The following CTNND2 variants were observed in gnomAD, a reference collection of about 807,000 sequenced individuals.
CTNND2 encodes catenin delta 2.
Under a neutral mutation model 144.4 loss-of-function variants are expected in CTNND2, and 22 were observed. The observed-to-expected ratio is 0.15, with a 90% confidence interval of 0.11 to 0.22. The LOEUF (loss-of-function observed/expected upper bound fraction) is 0.22. Ranked by LOEUF, CTNND2 falls within the 10% of genes least tolerant of loss-of-function variation. The probability of loss-of-function intolerance (pLI) is 1.00; values close to 1 mark genes in which losing one functional copy is unlikely to be tolerated. For missense variants in CTNND2, 1,353 were observed against 1,618.8 expected (o/e 0.84, Z 2.82); for synonymous variants, 751 against 695.6 (o/e 1.08, Z -1.25).
chr5:11,469,730 T>G (rs1285346045), intron 3 of CTNND2, among the ~76,000 whole-genome samples: 1 of 152,232 alleles, frequency 6.6e-6, no homozygotes, highest in African/African-American at 2.4e-5. Context: ...ATTTTAAATA[T>G]TCAAGTATTT....
chr5:11,016,137 C>T (rs1431771099), intron 18 of CTNND2, among the ~76,000 whole-genome samples: 2 of 152,136 alleles, frequency 1.3e-5, no homozygotes, highest in African/African-American at 4.8e-5. Flanking sequence ...GGAGGGCTGA[C>T]TAATTTCCAT....
At chr5:11,461,455 G>A (rs1766211764) in intron 3 of CTNND2, among the ~76,000 whole-genome samples, 1 of 152,118 alleles carries the variant, frequency 6.6e-6, no homozygotes, top group African/African-American at 2.4e-5. Flanking sequence ...GAAATTGCTT[G>A]TGAACTTCTT....
At chr5:11,048,332 A>T (rs574226158) in intron 16 of CTNND2, among the ~76,000 whole-genome samples, 1 of 152,328 alleles carries the variant, frequency 6.6e-6, no homozygotes, top group South Asian at 2.1e-4. Context: ...TCCCTGAGTG[A>T]GGGTAGCTGC....
intron 2 of CTNND2, among the ~76,000 whole-genome samples, chr5:11,636,923 T>C (rs1463648250): frequency 6.6e-6 from 1 of 152,130 alleles, no homozygotes; most frequent in East Asian, 1.9e-4. Flanking sequence ...AATTTATTTC[T>C]CTGAGTTCCA....
chr5:11,341,334 T>C (rs945078742), intron 9 of CTNND2, among the ~76,000 whole-genome samples: 2 of 152,042 alleles, frequency 1.3e-5, no homozygotes, highest in Non-Finnish European at 2.9e-5. Context: ...CAAAGAAAAA[T>C]AAAATGGTTC....
At chr5:11,739,636 C>A (rs1200010882) in intron 1 of CTNND2, among the ~76,000 whole-genome samples, 6 of 152,124 alleles carry the variant, frequency 3.9e-5, no homozygotes, top group Non-Finnish European at 8.8e-5. Context: ...AAAACCAGTA[C>A]AAGACAAGGA....
At chr5:11,055,054 C>T (rs1388506345) in intron 16 of CTNND2, among the ~76,000 whole-genome samples, 1 of 152,128 alleles carries the variant, frequency 6.6e-6, no homozygotes, top group Admixed American at 6.6e-5. Flanking sequence ...GGAATGCTGG[C>T]TTGAAGTGTG....
chr5:11,752,357 T>A (rs906612975), intron 1 of CTNND2, among the ~76,000 whole-genome samples: 9 of 150,830 alleles, frequency 6.0e-5, no homozygotes, highest in African/African-American at 2.2e-4. Context: ...CTTGAGTTGA[T>A]TTATGTAAGG....
intron 18 of CTNND2, among the ~76,000 whole-genome samples, chr5:11,013,638 G>A (rs1430569956): frequency 1.3e-5 from 2 of 152,232 alleles, no homozygotes; most frequent in Non-Finnish European, 2.9e-5. Context: ...TAAGTAAGAA[G>A]TTTTGGATGA....
intron 12 of CTNND2, among the ~76,000 whole-genome samples, chr5:11,148,621 G>A (rs1041814331): frequency 1.3e-5 from 2 of 152,210 alleles, no homozygotes; most frequent in Non-Finnish European, 1.5e-5. Flanking sequence ...TTCTCCAGCA[G>A]CGTCCCTGCC....
intron 1 of CTNND2, among the ~76,000 whole-genome samples, chr5:11,864,108 T>C (rs558759568): frequency 4.6e-5 from 7 of 152,110 alleles, no homozygotes; most frequent in Non-Finnish European, 1.0e-4. Flanking sequence ...ACTGCTTGAC[T>C]TGCTTTGTCT....
chr5:11,566,160 C>G (rs1423525116), intron 2 of CTNND2, among the ~76,000 whole-genome samples: 4 of 152,120 alleles, frequency 2.6e-5, no homozygotes, highest in Non-Finnish European at 5.9e-5. Context: ...TAAAAATATC[C>G]TGGCTCTTTT....
At chr5:11,826,555 G>C (rs1213910203) in intron 1 of CTNND2, among the ~76,000 whole-genome samples, 2 of 151,908 alleles carry the variant, frequency 1.3e-5, no homozygotes, top group African/African-American at 4.8e-5. Context: ...AAAAGGCTGA[G>C]ATTGTCATAT....
At chr5:11,551,645 C>A (rs772308611) in intron 3 of CTNND2, among the ~76,000 whole-genome samples, 1 of 152,002 alleles carries the variant, frequency 6.6e-6, no homozygotes, top group Non-Finnish European at 1.5e-5. Flanking sequence ...GTTACACAGG[C>A]TGGAGTGCAA....
intron 2 of CTNND2, among the ~76,000 whole-genome samples, chr5:11,717,574 GAAA>G (rs34808379): frequency 1.7e-5 from 2 of 118,404 alleles, no homozygotes. Context: ...AAGAGACTGT[GAAA>G]AAAAAAAAAA....
At chr5:11,809,243 T>C (rs750795040) in intron 1 of CTNND2, among the ~76,000 whole-genome samples, 2 of 152,194 alleles carry the variant, frequency 1.3e-5, no homozygotes, top group Non-Finnish European at 2.9e-5. Context: ...TAGGATTCCA[T>C]TGATTGTATC....
At chr5:11,849,526 C>A (rs1030561418) in intron 1 of CTNND2, among the ~76,000 whole-genome samples, 3 of 152,154 alleles carry the variant, frequency 2.0e-5, no homozygotes, top group Non-Finnish European at 4.4e-5. Context: ...GGAGTCCCAA[C>A]TAATCAGGAA....
intron 21 of CTNND2, among the ~76,000 whole-genome samples, chr5:10,976,104 A>G (rs921178444): frequency 3.6e-5 from 4 of 109,714 alleles, no homozygotes; most frequent in African/African-American, 1.3e-4. Flanking sequence ...ACCCGGAGAG[A>G]CAGAATTTGC....
At chr5:11,166,769 T>C (rs1759378070) in intron 11 of CTNND2, among the ~76,000 whole-genome samples, 1 of 152,038 alleles carries the variant, frequency 6.6e-6, no homozygotes, top group Non-Finnish European at 1.5e-5. Context: ...TACAAACGAG[T>C]ATTTGGATGC....
Sources: allele counts gnomAD v4.1 joint callset (sites outside exome capture counted in the v4.1 genomes callset), GRCh38; gene constraint gnomAD v4.1.1; transcripts MANE v1.5; gene names NCBI Gene and HGNC (gene_info 2026-07-23, HGNC 2026-07-21).